Variants in RALGAPA2 observed in about 807,000 individuals in gnomAD.
The protein encoded by RALGAPA2 is ral GTPase-activating protein subunit alpha-2.
Under a neutral mutation model 230.4 loss-of-function variants are expected in RALGAPA2, and 139 were observed. The observed-to-expected ratio is 0.60, with a 90% confidence interval of 0.53 to 0.69. The LOEUF (loss-of-function observed/expected upper bound fraction) is 0.69. Ranked by LOEUF, RALGAPA2 falls within the 30% of genes least tolerant of loss-of-function variation. The probability of loss-of-function intolerance (pLI) is 0.00; values close to 1 mark genes in which losing one functional copy is unlikely to be tolerated. For missense variants in RALGAPA2, 2,163 were observed against 2,276.0 expected, an observed-to-expected ratio of 0.95 and a Z score of 1.01; for synonymous variants, 847 against 837.8, an observed-to-expected ratio of 1.01 and a Z score of -0.19.
intron 16 of RALGAPA2, among the ~76,000 whole-genome samples, chr20:20,599,688 T>A (rs946063901): frequency 1.3e-5 from 2 of 152,170 alleles, no homozygotes; most frequent in Non-Finnish European, 2.9e-5. Flanking sequence ...CCTTTGCCTA[T>A]TCGAATTCCC....
At chr20:20,670,913 G>A (rs2068112375) in intron 3 of RALGAPA2, among the ~76,000 whole-genome samples, 1 of 144,208 alleles carries the variant, frequency 6.9e-6, no homozygotes, top group African/African-American at 2.6e-5. Flanking sequence ...TCAAGCCACT[G>A]CACTCCAGCC....
intron 39 of RALGAPA2, among the ~76,000 whole-genome samples, chr20:20,394,353 C>G (rs1216898128): frequency 6.6e-6 from 1 of 152,128 alleles, no homozygotes; most frequent in Non-Finnish European, 1.5e-5. Flanking sequence ...TCAGGTCGGG[C>G]ATACAGAGAA....
At chr20:20,422,612 C>T (rs947851393) in intron 37 of RALGAPA2, among the ~76,000 whole-genome samples, 2 of 152,150 alleles carry the variant, frequency 1.3e-5, no homozygotes, top group African/African-American at 2.4e-5. Context: ...GTACGCAGTG[C>T]ACACTATGTA....
At chr20:20,632,471 C>A (rs6046972) in intron 9 of RALGAPA2, among the ~76,000 whole-genome samples, 43 of 152,320 alleles carry the variant, frequency 2.8e-4, no homozygotes, top group African/African-American at 8.4e-4. Flanking sequence ...CTTTCTACTT[C>A]TCATCATCCA....
intron 37 of RALGAPA2, among the ~76,000 whole-genome samples, chr20:20,413,046 C>T (rs1426069320): frequency 1.3e-5 from 2 of 152,208 alleles, no homozygotes; most frequent in African/African-American, 4.8e-5. Context: ...TGAATTAACA[C>T]TTGGGGAAGT....
intron 4 of RALGAPA2, among the ~76,000 whole-genome samples, chr20:20,645,953 A>G (rs1212406539): frequency 6.6e-6 from 1 of 150,396 alleles, no homozygotes; most frequent in Non-Finnish European, 1.5e-5. Context: ...CTTTTTTAAT[A>G]ATAAAAAAAA....
At chr20:20,432,577 C>A (rs2060523467) in intron 37 of RALGAPA2, among the ~76,000 whole-genome samples, 1 of 152,172 alleles carries the variant, frequency 6.6e-6, no homozygotes, top group Non-Finnish European at 1.5e-5. Flanking sequence ...AGAGCCACAG[C>A]ATTTCCTTAG....
intron 1 of RALGAPA2, among the ~76,000 whole-genome samples, chr20:20,696,829 C>T (rs2069131072): frequency 6.6e-6 from 1 of 152,196 alleles, no homozygotes; most frequent in Admixed American, 6.5e-5. Context: ...AATAAGCATA[C>T]ACATACCCTT....
intron 37 of RALGAPA2, among the ~76,000 whole-genome samples, chr20:20,435,051 A>ATATC (rs936888898): frequency 6.6e-6 from 1 of 152,236 alleles, no homozygotes; most frequent in Non-Finnish European, 1.5e-5. Context: ...TCACAGAGAG[A>ATATC]TGGCTCCAAT....
chr20:20,706,746 T>C (rs2069624551), intron 1 of RALGAPA2, among the ~76,000 whole-genome samples: 2 of 152,200 alleles, frequency 1.3e-5, no homozygotes, highest in South Asian at 4.1e-4. Context: ...ATAAATACAT[T>C]TTCTGATATG....
intron 1 of RALGAPA2, among the ~76,000 whole-genome samples, chr20:20,701,147 C>T (rs905999671): frequency 6.6e-6 from 1 of 152,230 alleles, no homozygotes; most frequent in Non-Finnish European, 1.5e-5. Flanking sequence ...GGTTCAAATG[C>T]TGATTCTGCC....
At chr20:20,633,469 A>G (rs980947484) in intron 9 of RALGAPA2, among the ~76,000 whole-genome samples, 2 of 150,754 alleles carry the variant, frequency 1.3e-5, no homozygotes, top group African/African-American at 4.9e-5. Flanking sequence ...GTAGTCTACC[A>G]CTTCCCAAAT....
chr20:20,633,194 G>A (rs987940109), intron 9 of RALGAPA2, among the ~76,000 whole-genome samples: 4 of 151,562 alleles, frequency 2.6e-5, no homozygotes, highest in Non-Finnish European at 5.9e-5. Context: ...GAATGCAGTG[G>A]CACAATCTCT....
intron 35 of RALGAPA2, 94 bp from the exon 36 acceptor site, chr20:20,495,369 C>CA: frequency 1.8e-6 from 2 of 1,135,784 alleles, no homozygotes; most frequent in Non-Finnish European, 2.4e-6. Flanking sequence ...ACTCAAAGGC[C>CA]AAAAAAATTT....
chr20:20,537,072 T>C (rs1157073048), intron 24 of RALGAPA2, among the ~76,000 whole-genome samples: 1 of 152,170 alleles, frequency 6.6e-6, no homozygotes, highest in Non-Finnish European at 1.5e-5. Context: ...GTTTACATTG[T>C]TTTACTGCTA....
intron 23 of RALGAPA2, among the ~76,000 whole-genome samples, chr20:20,558,011 T>A (rs1055063377): frequency 2.0e-5 from 3 of 152,000 alleles, no homozygotes; most frequent in Non-Finnish European, 4.4e-5. Flanking sequence ...TCAATTTTTT[T>A]ATTTTTTTTT....
chr20:20,407,482 G>A (rs963009672), intron 38 of RALGAPA2, among the ~76,000 whole-genome samples: 2 of 152,240 alleles, frequency 1.3e-5, no homozygotes, highest in Admixed American at 1.3e-4. Context: ...ATGACGAGCT[G>A]CATATGGCGC....
chr20:20,609,794 C>A (rs919114777), intron 14 of RALGAPA2, among the ~76,000 whole-genome samples: 2 of 152,200 alleles, frequency 1.3e-5, no homozygotes, highest in African/African-American at 4.8e-5. Flanking sequence ...TATGTCCAGG[C>A]AGGCAGCAAA....
chr20:20,609,114 G>A (rs1347924576), intron 14 of RALGAPA2, among the ~76,000 whole-genome samples: 1 of 152,048 alleles, frequency 6.6e-6, no homozygotes. Flanking sequence ...TCCCACCTCA[G>A]CTCCCAAGTA....
Sources: gnomAD v4.1 joint callset for allele counts (sites outside exome capture counted in the v4.1 genomes callset) on GRCh38, gnomAD v4.1.1 for gene constraint, MANE v1.5 for transcripts, NCBI Gene and HGNC (gene_info 2026-07-23, HGNC 2026-07-21) for gene names.